Variants in FBN1 observed in about 807,000 individuals in gnomAD.
FBN1 encodes fibrillin 1.
FBN1 carries 29 observed loss-of-function variants against 365.1 expected under a neutral mutation model. The observed-to-expected ratio is 0.08, with a 90% CI of 0.06 to 0.11. FBN1 has a LOEUF of 0.11. Ranked by LOEUF, FBN1 falls within the 10% of genes least tolerant of loss-of-function variation. The probability of loss-of-function intolerance (pLI) is 1.00; values close to 1 mark genes in which losing one functional copy is unlikely to be tolerated. For synonymous variants in FBN1, 1,210 were observed against 1,270.5 expected, an observed-to-expected ratio of 0.95 and a Z score of 1.01; for missense variants, 2,476 against 3,703.2, an observed-to-expected ratio of 0.67 and a Z score of 8.60.
rs183780428 is a variant in FBN1, at chr15:48,616,246, T to C, written c.165-3154A>G. Reference sequence around the variant, plus strand: ...AAAACTTTATCATTAACAAGTAACATGTTATTTAATTTCAGCTGTTTCAAC... The same window carrying C: ...AAAACTTTATCATTAACAAGTAACACGTTATTTAATTTCAGCTGTTTCAAC... On this transcript the variant is annotated intron_variant, in intron 2 of 65. Transcript: ENST00000316623. 9.2e-5 allele frequency among the ~76,000 whole-genome samples: 14 copies of C among 152,356 alleles called. No homozygotes were observed. In the East Asian group the frequency reaches 1.3e-3, roughly 15 times the overall value.
chr15:48,586,869 G>C (rs963778120), intron 6 of FBN1, among the ~76,000 whole-genome samples: 2 of 152,124 alleles, frequency 1.3e-5, no homozygotes, highest in Admixed American at 6.5e-5. Context: ...AAAATAATAA[G>C]AATCCAGATC....
intron 6 of FBN1, among the ~76,000 whole-genome samples, chr15:48,545,377 A>AT (rs1440480216): frequency 6.6e-6 from 1 of 152,190 alleles, no homozygotes; most frequent in African/African-American, 2.4e-5. Context: ...TAGAAATGAG[A>AT]TTTTCAGTAG....
At chr15:48,528,346 C>G (rs1257579385) in intron 8 of FBN1, among the ~76,000 whole-genome samples, 1 of 152,124 alleles carries the variant, frequency 6.6e-6, no homozygotes. Context: ...TTGAAGATAA[C>G]AATAACAAGA....
chr15:48,521,358 T>C (rs1453538693), intron 9 of FBN1, among the ~76,000 whole-genome samples: 2 of 152,232 alleles, frequency 1.3e-5, no homozygotes. Flanking sequence ...TGAGTCACTT[T>C]GCATTTAGAT....
intron 49 of FBN1, among the ~76,000 whole-genome samples, chr15:48,443,413 G>A (rs978513518): frequency 1.3e-5 from 2 of 152,126 alleles, no homozygotes; most frequent in African/African-American, 4.8e-5. Context: ...TTCATTGACT[G>A]TGCAGTTATT....
intron 6 of FBN1, among the ~76,000 whole-genome samples, chr15:48,560,821 G>A (rs1024902835): frequency 6.6e-6 from 1 of 152,000 alleles, no homozygotes; most frequent in Admixed American, 6.6e-5. Flanking sequence ...CACGTCCCCT[G>A]CATGCCACAG....
At chr15:48,413,600 C>G (rs552785365) in intron 64 of FBN1, among the ~76,000 whole-genome samples, 1 of 152,172 alleles carries the variant, frequency 6.6e-6, no homozygotes, top group Non-Finnish European at 1.5e-5. Flanking sequence ...TTATCAAGCT[C>G]CTCTTTCCAA....
intron 4 of FBN1, among the ~76,000 whole-genome samples, chr15:48,603,775 A>T (rs1239539692): frequency 6.6e-6 from 1 of 152,206 alleles, no homozygotes; most frequent in African/African-American, 2.4e-5. Flanking sequence ...AATTGAAAAC[A>T]CTAGGGGAAT....
intron 24 of FBN1, 84 bp downstream of exon 24, chr15:48,492,377 A>G (rs549454115): frequency 7.3e-7 from 1 of 1,366,574 alleles, no homozygotes; most frequent in Admixed American, 1.7e-5. Flanking sequence ...ACCTGAAGCT[A>G]AGTGCTCAGC....
intron 10 of FBN1, among the ~76,000 whole-genome samples, chr15:48,517,107 C>G (rs1258422574): frequency 6.6e-6 from 1 of 151,952 alleles, no homozygotes; most frequent in Admixed American, 6.6e-5. Flanking sequence ...CGGGAAAAAT[C>G]ATGGTGATAG....
intron 2 of FBN1, among the ~76,000 whole-genome samples, chr15:48,618,709 G>A (rs2140746379): frequency 6.6e-6 from 1 of 152,282 alleles, no homozygotes; most frequent in African/African-American, 2.4e-5. Context: ...TAAGTGGCAG[G>A]CAAGCAAGTG....
intron 63 of FBN1, among the ~76,000 whole-genome samples, chr15:48,419,066 T>A (rs114193095): frequency 6.6e-6 from 1 of 152,198 alleles, no homozygotes; most frequent in Non-Finnish European, 1.5e-5. Context: ...CTAAGAGATC[T>A]GCTCTGTTTC....
rs567703513 is a variant in FBN1, at chr15:48,437,080, T to C, written c.6380-3A>G. ...GGGTTCTTTGCATTCGTCCATATCT[T>C]AAGCAAGAGAAAAAAAATAGTGAAT... On this transcript the variant is annotated splice_region_variant and splice_polypyrimidine_tract_variant and intron_variant, in intron 52 of 65. Coordinates refer to ENST00000316623, the MANE Select transcript of FBN1 (RefSeq NM_000138.5). 2.4e-5 allele frequency: 38 copies of C among 1,589,648 alleles called. No homozygotes were observed. In the African/African-American group the frequency reaches 4.6e-4, roughly 19 times the overall value.
At chr15:48,436,559 T>C (rs893803322) in intron 53 of FBN1, among the ~76,000 whole-genome samples, 10 of 152,340 alleles carry the variant, frequency 6.6e-5, no homozygotes, top group African/African-American at 2.2e-4. Context: ...TAGCCTTTCA[T>C]CTTACTAAAT....
chr15:48,515,074 A>G (rs1023449587), intron 12 of FBN1, among the ~76,000 whole-genome samples: 4 of 152,152 alleles, frequency 2.6e-5, no homozygotes, highest in Non-Finnish European at 5.9e-5. Context: ...AAGATGCAAC[A>G]CTGCTGGCTT....
At chr15:48,452,756 A>C in intron 44 of FBN1, 72 bp from the exon 45 acceptor site, 1 of 1,520,452 alleles carries the variant, frequency 6.6e-7, no homozygotes. Flanking sequence ...CTCTCACATG[A>C]AAACAAATTT....
intron 6 of FBN1, among the ~76,000 whole-genome samples, chr15:48,559,802 T>A (rs554141488): frequency 2.6e-5 from 4 of 152,224 alleles, no homozygotes; most frequent in Middle Eastern, 3.4e-3. Flanking sequence ...AGCAAAACAA[T>A]GAACAAAATA....
chr15:48,433,135 C>T lies in FBN1; in HGVS notation c.6617-147G>A. On this transcript the variant is annotated intron_variant, in intron 54 of 65. Transcript: ENST00000316623. ...ATGGATCAAGTGGTCTCCCATTTCC[C>T]GGAAATTATAAAATGGGTTGATTAT... 1 of 803,378 alleles carries T rather than the reference C, an allele frequency of 1.2e-6. No homozygotes were observed. Among genetic ancestry groups the T allele is most frequent in the Non-Finnish European group, 2.0e-6 (1 of 489,158 alleles). 49.8% of individuals were successfully genotyped at this position (803,378 alleles called of 1,614,324 possible).
At chr15:48,508,795 A>C in intron 14 of FBN1, 91 bp from the exon 15 acceptor site, 9 of 1,503,220 alleles carry the variant, frequency 6.0e-6, no homozygotes, top group Non-Finnish European at 8.2e-6. Flanking sequence ...GTTTCTTCGT[A>C]TTTCTTTCTT....
Sources: allele counts gnomAD v4.1 joint callset (sites outside exome capture counted in the v4.1 genomes callset), GRCh38; gene constraint gnomAD v4.1.1; transcripts MANE v1.5; gene names NCBI Gene and HGNC (gene_info 2026-07-23, HGNC 2026-07-21).